Variants in NME9 observed in about 807,000 individuals in gnomAD.
NME9 encodes NME/NM23 family member 9.
NME9 carries 48 observed loss-of-function variants against 44.4 expected under a neutral mutation model. The ratio of observed to expected loss-of-function variants is 1.08; its 90% CI spans 0.86 to 1.37. The LOEUF (loss-of-function observed/expected upper bound fraction) is 1.37. NME9 is among the 40% of genes most tolerant of loss of function. The pLI, the probability that NME9 is intolerant of heterozygous loss-of-function variation, is 0.00. For synonymous variants in NME9, 139 were observed against 147.1 expected (o/e 0.94, Z 0.40); for missense variants, 325 against 405.2 (o/e 0.80, Z 1.70).
chr3:138,317,705 G>A (rs907625351), intron 4 of NME9, among the ~76,000 whole-genome samples: 3 of 152,172 alleles, frequency 2.0e-5, no homozygotes, highest in East Asian at 1.9e-4. Flanking sequence ...TCCCCTTTAC[G>A]GAGCAAAGGA....
chr3:138,281,219 T>TGG (rs964069486), intron 8 of NME9, among the ~76,000 whole-genome samples: 6 of 150,614 alleles, frequency 4.0e-5, no homozygotes, highest in African/African-American at 1.5e-4. Context: ...ATGGTGTGGG[T>TGG]GTGTGTGTGT....
chr3:138,274,388 C>A, intron 8 of NME9: 1 of 1,123,162 alleles, frequency 8.9e-7, no homozygotes, highest in South Asian at 1.3e-5. Context: ...TTTTAGAAGC[C>A]TTGTATTCGT....
At chr3:138,274,512 G>C (rs933723547) in intron 8 of NME9, 5 of 1,613,092 alleles carry the variant, frequency 3.1e-6, no homozygotes, top group Non-Finnish European at 4.2e-6. Flanking sequence ...TCTTATTCTA[G>C]AAGGGGAACA....
chr3:138,289,012 C>A, intron 8 of NME9: 2 of 1,556,764 alleles, frequency 1.3e-6, no homozygotes, highest in Non-Finnish European at 1.8e-6. Context: ...GAGATTACCA[C>A]CATTTTGATT....
At chr3:138,283,702 G>T (rs2050144095) in intron 8 of NME9, among the ~76,000 whole-genome samples, 1 of 152,140 alleles carries the variant, frequency 6.6e-6, no homozygotes, top group Non-Finnish European at 1.5e-5. Flanking sequence ...TTTGAGAATG[G>T]AACAGCTGAC....
Position 138,306,082 on chromosome 3 carries a change from C to G in NME9, c.558G>C (p.Gly186=). ...DEIIMKIQEA[G]FEILTNEERT... is the part of the protein sequence containing the mutation. ...TCTCTTCATTTGTTAGAATTTCAAA[C>G]CCAGCTTCCTGAATCTGTAGAATAT... The change falls in exon 8 of 11, where the codon GGG becomes GGC. Residue 186 remains glycine (G), a synonymous_variant. Coordinates refer to ENST00000333911, the MANE Select transcript of NME9 (RefSeq NM_001349018.2). The G allele has an allele frequency of 6.2e-7, 1 of 1,610,536 alleles. No homozygotes were observed. Among genetic ancestry groups the G allele is most frequent in the Admixed American group, 1.7e-5 (1 of 60,008 alleles).
chr3:138,325,676 G>T (rs1193980058), intron 1 of NME9, among the ~76,000 whole-genome samples: 1 of 152,016 alleles, frequency 6.6e-6, no homozygotes, highest in Non-Finnish European at 1.5e-5. Context: ...CCAAAGTGCT[G>T]GGATTACAGG....
chr3:138,329,159 A>T, intron 1 of NME9, 144 bp downstream of exon 1: 1 of 709,156 alleles, frequency 1.4e-6, no homozygotes, highest in South Asian at 2.0e-5. Flanking sequence ...TTTAAGACGG[A>T]AGGGTACATC....
chr3:138,278,897 C>G (rs2049582523), intron 8 of NME9, among the ~76,000 whole-genome samples: 1 of 152,064 alleles, frequency 6.6e-6, no homozygotes, highest in African/African-American at 2.4e-5. Context: ...AGTCTTGTAT[C>G]CTGCATTCTT....
chr3:138,274,693 C>T (rs2049105791), intron 8 of NME9: 1 of 631,218 alleles, frequency 1.6e-6, no homozygotes, highest in Non-Finnish European at 2.8e-6. Flanking sequence ...TTCCACCATC[C>T]CTTAAACTCT....
intron 2 of NME9, chr3:138,324,456 A>T (rs1222559409): frequency 2.2e-6 from 1 of 459,258 alleles, no homozygotes; most frequent in Non-Finnish European, 4.4e-6. Flanking sequence ...GATAGGGATG[A>T]GGAGGCCCAT....
At chr3:138,289,938 A>G (rs751277277) in intron 8 of NME9, among the ~76,000 whole-genome samples, 32 of 152,174 alleles carry the variant, frequency 2.1e-4, no homozygotes, top group Admixed American at 3.9e-4. Flanking sequence ...AGCGCCCAAA[A>G]CAAAGTGCAA....
At position 138,301,519 on chromosome 3, in the gene NME9, G is replaced by T. The variant is rs964612273; in HGVS notation, c.*121C>A. On this transcript the variant is annotated 3_prime_UTR_variant, in exon 11 of 11. Transcript: ENST00000333911. Reference sequence around the variant, plus strand: ...TGCGCCCAGCCATATTATTTTCATTGTCTACAAAAGACAGCTAAACCAAAA... The same window carrying T: ...TGCGCCCAGCCATATTATTTTCATTTTCTACAAAAGACAGCTAAACCAAAA... 1 of 1,463,216 alleles carries T rather than the reference G, an allele frequency of 6.8e-7. No homozygotes were observed. Among genetic ancestry groups the T allele is most frequent in the Admixed American group, 2.4e-5 (1 of 41,566 alleles). 90.6% of individuals were successfully genotyped at this position (1,463,216 alleles called of 1,614,324 possible).
chr3:138,314,180 TATA>T (rs887986919), intron 6 of NME9, 149 bp downstream of exon 6: 1 of 504,772 alleles, frequency 2.0e-6, no homozygotes, highest in Admixed American at 3.5e-5. Context: ...GCACATCTAT[TATA>T]TATCAATTTT....
chr3:138,326,717 G>A (rs944652498), intron 1 of NME9, among the ~76,000 whole-genome samples: 3 of 151,986 alleles, frequency 2.0e-5, no homozygotes, highest in Non-Finnish European at 2.9e-5. Context: ...TTACAGGCAT[G>A]AGCCAGCACG....
At chr3:138,285,803 T>C (rs1224992790) in intron 8 of NME9, among the ~76,000 whole-genome samples, 2 of 152,200 alleles carry the variant, frequency 1.3e-5, no homozygotes, top group African/African-American at 4.8e-5. Flanking sequence ...ATTTGTTGAA[T>C]GAAAACCTTA....
intron 8 of NME9, among the ~76,000 whole-genome samples, chr3:138,273,821 C>CCTTT: frequency 6.9e-6 from 1 of 145,212 alleles, no homozygotes; most frequent in African/African-American, 2.5e-5. Context: ...ATGCTTCCCC[C>CCTTT]TTTTTTTTTT....
intron 8 of NME9, 148 bp from the exon 9 acceptor site, chr3:138,305,175 AC>A (rs2052154245): frequency 2.9e-6 from 2 of 699,466 alleles, no homozygotes; most frequent in Non-Finnish European, 4.8e-6. Flanking sequence ...CAGCCACTGC[AC>A]CCTGTCTCTG....
In NME9 at chr3:138,304,938, GACC is replaced by G. The variant is rs1442769657; in HGVS notation, c.723_725del (p.Val242del). On this transcript the variant is annotated inframe_deletion, in exon 9 of 11. Coordinates refer to ENST00000333911, the MANE Select transcript of NME9 (RefSeq NM_001349018.2). ...GGCCCATGACGGTTCGCCAGGTAGT[GACC>G]ACGTCCTCGAAGCCCTCAGTCCTGG... The G allele has an allele frequency of 6.2e-7, 1 of 1,614,142 alleles. No homozygotes were observed. The highest frequency in any genetic ancestry group is 1.7e-5 in the Admixed American group (1 of 60,032).
Sources: allele counts gnomAD v4.1 joint callset (sites outside exome capture counted in the v4.1 genomes callset), GRCh38; gene constraint gnomAD v4.1.1; transcripts MANE v1.5; gene names NCBI Gene and HGNC (gene_info 2026-07-23, HGNC 2026-07-21).